Variants in CFAP96 observed in about 807,000 individuals in gnomAD.
CFAP96 encodes cilia and flagella associated protein 96.
chr4:185,425,768 G>C, the CFAP96 span: 1 of 1,534,182 alleles, frequency 6.5e-7, no homozygotes, highest in Non-Finnish European at 8.8e-7. Flanking sequence ...TTGGACCCCG[G>C]CAGGACCAGC....
At chr4:185,426,224 A>G in the CFAP96 span, 10 of 310,656 alleles carry the variant, frequency 3.2e-5, no homozygotes, top group Non-Finnish European at 6.2e-5. Flanking sequence ...AACACATCAC[A>G]CAATAAACGC....
chr4:185,437,040 A>G, the CFAP96 span, among the ~76,000 whole-genome samples: 1 of 152,132 alleles, frequency 6.6e-6, no homozygotes, highest in Non-Finnish European at 1.5e-5. Context: ...ATACCCTACT[A>G]TCTGTGCCTG....
At chr4:185,435,951 C>T in the CFAP96 span, 5 of 1,004,050 alleles carry the variant, frequency 5.0e-6, no homozygotes, top group African/African-American at 1.7e-5. Flanking sequence ...ATTTTTTTCT[C>T]TTTTTTTCAA....
chr4:185,433,672 C>T, the CFAP96 span, among the ~76,000 whole-genome samples: 31 of 152,124 alleles, frequency 2.0e-4, no homozygotes, highest in Non-Finnish European at 3.1e-4. Flanking sequence ...GAGGCCGAGG[C>T]GGGCGGATCA....
chr4:185,446,681 T>G, the CFAP96 span, among the ~76,000 whole-genome samples: 3 of 151,106 alleles, frequency 2.0e-5, no homozygotes, highest in Non-Finnish European at 4.4e-5. Context: ...AAATTTTAAA[T>G]GTTATATAGT....
At chr4:185,431,953 A>C in the CFAP96 span, 1 of 1,501,304 alleles carries the variant, frequency 6.7e-7, no homozygotes, top group Non-Finnish European at 9.0e-7. Context: ...TCAGCTCAAA[A>C]TTATAATATG....
At chr4:185,422,458 T>C in the CFAP96 span, 9 of 1,559,858 alleles carry the variant, frequency 5.8e-6, no homozygotes, top group Non-Finnish European at 2.6e-6. Flanking sequence ...AATTTTCTAA[T>C]AAAAAAGAAT....
chr4:185,430,454 T>C, the CFAP96 span, among the ~76,000 whole-genome samples: 1 of 152,204 alleles, frequency 6.6e-6, no homozygotes, highest in Non-Finnish European at 1.5e-5. Flanking sequence ...TCTATGAAAA[T>C]ATTCACTTGA....
the CFAP96 span, among the ~76,000 whole-genome samples, chr4:185,428,570 A>C: frequency 2.7e-4 from 2 of 7,340 alleles, no homozygotes; most frequent in Middle Eastern, 0.091. Flanking sequence ...AAAAAAAAAA[A>C]CAACAACAAC....
At chr4:185,426,826 G>C in the CFAP96 span, among the ~76,000 whole-genome samples, 4 of 141,328 alleles carry the variant, frequency 2.8e-5, no homozygotes, top group South Asian at 9.0e-4. Context: ...GCGCTCACGA[G>C]TTCGAGGCCA....
chr4:185,429,465 G>A, the CFAP96 span: 1 of 1,538,734 alleles, frequency 6.5e-7, no homozygotes, highest in Non-Finnish European at 8.7e-7. Context: ...TCTTTAGTGA[G>A]ATGGAATATA....
chr4:185,447,626 A>G, the CFAP96 span, among the ~76,000 whole-genome samples: 3 of 152,038 alleles, frequency 2.0e-5, no homozygotes, highest in African/African-American at 7.3e-5. Context: ...GTGGCCTCCA[A>G]TACTATGACA....
chr4:185,423,803 C>T, the CFAP96 span, among the ~76,000 whole-genome samples: 1 of 151,882 alleles, frequency 6.6e-6, no homozygotes, highest in African/African-American at 2.4e-5. Flanking sequence ...TACATATATA[C>T]ATACATATAT....
chr4:185,427,032 C>T, the CFAP96 span, among the ~76,000 whole-genome samples: 1 of 151,468 alleles, frequency 6.6e-6, no homozygotes, highest in African/African-American at 2.4e-5. Context: ...CCACTGCACT[C>T]CTAGCCTGGG....
the CFAP96 span, among the ~76,000 whole-genome samples, chr4:185,427,949 G>C: frequency 6.6e-6 from 1 of 151,010 alleles, no homozygotes; most frequent in African/African-American, 2.4e-5. Flanking sequence ...AGCTGGGCGT[G>C]GTGGCAGACG....
chr4:185,415,290 A>G, the CFAP96 span: 1 of 1,601,948 alleles, frequency 6.2e-7, no homozygotes, highest in African/African-American at 1.3e-5. Context: ...ATTTCAAAAT[A>G]CATTTTTCCA....
the CFAP96 span, chr4:185,445,127 G>T: frequency 1.9e-6 from 3 of 1,551,198 alleles, no homozygotes; most frequent in South Asian, 3.6e-5. Flanking sequence ...TTGAATGTCA[G>T]AAGGTGGGAA....
At chr4:185,449,350 G>T in the CFAP96 span, among the ~76,000 whole-genome samples, 1 of 151,956 alleles carries the variant, frequency 6.6e-6, no homozygotes, top group Non-Finnish European at 1.5e-5. Flanking sequence ...GCAAAACTCT[G>T]TCTCTACAAA....
the CFAP96 span, among the ~76,000 whole-genome samples, chr4:185,436,745 T>TAATAATAA: frequency 3.1e-3 from 463 of 149,152 alleles, 2 homozygotes; most frequent in African/African-American, 0.011. Context: ...ATAATAATAA[T>TAATAATAA]TCACTTGAGA....
Sources: gnomAD v4.1 joint callset for allele counts (sites outside exome capture counted in the v4.1 genomes callset) on GRCh38, gnomAD v4.1.1 for gene constraint, MANE v1.5 for transcripts, NCBI Gene and HGNC (gene_info 2026-07-23, HGNC 2026-07-21) for gene names.